Variants in SUGCT observed in about 807,000 individuals in gnomAD.
The protein encoded by SUGCT is succinyl-CoA:glutarate CoA-transferase.
Under a neutral mutation model 55.0 loss-of-function variants are expected in SUGCT, and 41 were observed. The observed-to-expected ratio is 0.74, with a 90% CI of 0.58 to 0.97. The LOEUF is 0.97. Among genes scored for constraint, SUGCT ranks in the 50% least tolerant of loss-of-function variants. SUGCT has a pLI of 0.00. For synonymous variants in SUGCT, 187 were observed against 200.4 expected (o/e 0.93, Z 0.56); for missense variants, 568 against 547.8 (o/e 1.04, Z -0.37).
intron 12 of SUGCT, among the ~76,000 whole-genome samples, chr7:40,744,360 C>A (rs538178714): frequency 6.6e-6 from 1 of 152,278 alleles, no homozygotes; most frequent in South Asian, 2.1e-4. Flanking sequence ...TGGCTACCTG[C>A]AATGGTGCAG....
At chr7:40,846,392 T>A (rs1264829904) in intron 13 of SUGCT, among the ~76,000 whole-genome samples, 2 of 148,044 alleles carry the variant, frequency 1.4e-5, no homozygotes, top group Non-Finnish European at 3.0e-5. Flanking sequence ...AAAAAAACAG[T>A]CAGGAGAGAG....
At chr7:40,737,805 TC>T (rs1787247844) in intron 12 of SUGCT, among the ~76,000 whole-genome samples, 1 of 152,100 alleles carries the variant, frequency 6.6e-6, no homozygotes, top group South Asian at 2.1e-4. Flanking sequence ...GCGCCTGTAA[TC>T]CCAGCTACTT....
intron 12 of SUGCT, among the ~76,000 whole-genome samples, chr7:40,520,406 G>T (rs73308254): frequency 0.092 from 14,001 of 152,064 alleles, 696 homozygotes; most frequent in Middle Eastern, 0.11. Context: ...AAGTCTGCCC[G>T]TGAAGCTTAG....
At chr7:40,164,125 C>A (rs7787952) in intron 1 of SUGCT, among the ~76,000 whole-genome samples, 20,947 of 146,234 alleles carry the variant, frequency 0.14, 4,694 homozygotes, top group African/African-American at 0.48. Context: ...TGACCCTTGA[C>A]TTTTTTTTTT....
chr7:40,240,350 T>C lies in SUGCT; in HGVS notation c.576+2624T>C, dbSNP rs898314180. ...AATACAAAATTAGCCAGATGTGGTG[T>C]TGCATTCCTGTAATCCCAGCTACTC... is the stretch of plus-strand genomic sequence containing the variant. On this transcript the variant is annotated intron_variant, in intron 7 of 13. Transcript: ENST00000335693. Among the ~76,000 whole-genome samples, 7 of 152,150 alleles carry C rather than the reference T, an allele frequency of 4.6e-5. No individual in the cohort carries two copies. The East Asian group carries it at 1.4e-3, about 29-fold the overall frequency.
chr7:40,770,030 G>A (rs1452850358), intron 13 of SUGCT, among the ~76,000 whole-genome samples: 1 of 151,938 alleles, frequency 6.6e-6, no homozygotes, highest in Non-Finnish European at 1.5e-5. Context: ...TAATTAAATC[G>A]AATTTTCTTT....
At chr7:40,802,377 T>G (rs1790871844) in intron 13 of SUGCT, among the ~76,000 whole-genome samples, 1 of 152,012 alleles carries the variant, frequency 6.6e-6, no homozygotes, top group Non-Finnish European at 1.5e-5. Flanking sequence ...CTTGCTGACT[T>G]TACAATGTGA....
At chr7:40,145,171 A>AT (rs1302914146) in intron 1 of SUGCT, among the ~76,000 whole-genome samples, 1 of 152,164 alleles carries the variant, frequency 6.6e-6, no homozygotes, top group Non-Finnish European at 1.5e-5. Flanking sequence ...AAAACAAAAA[A>AT]TTTTTTTAAC....
rs192985711 is a variant in SUGCT, at chr7:40,733,596, C to T, written c.1090-15838C>T. Among the ~76,000 whole-genome samples, 11 of 152,236 alleles carry T rather than the reference C, an allele frequency of 7.2e-5. No homozygotes were observed. The East Asian group carries it at 2.1e-3, about 29-fold the overall frequency. On this transcript the variant is annotated intron_variant, in intron 12 of 13. Coordinates refer to ENST00000335693, the MANE Select transcript of SUGCT (RefSeq NM_001193313.2). ...TCATAATGGTTCTGGCCTTTTTGAG[C>T]CTGAGCAAATTTTTGGCATAATGAA...
At chr7:40,309,027 C>G (rs1004478710) in intron 8 of SUGCT, among the ~76,000 whole-genome samples, 9 of 152,128 alleles carry the variant, frequency 5.9e-5, no homozygotes, top group African/African-American at 2.2e-4. Flanking sequence ...AAAATTTCTC[C>G]TAGATTTTCA....
chr7:40,827,116 C>G (rs976037689), intron 13 of SUGCT, among the ~76,000 whole-genome samples: 1 of 152,092 alleles, frequency 6.6e-6, no homozygotes, highest in African/African-American at 2.4e-5. Flanking sequence ...GGAAGAAGCT[C>G]AGTGTACTTA....
intron 1 of SUGCT, among the ~76,000 whole-genome samples, chr7:40,164,316 G>C (rs1052223009): frequency 1.3e-5 from 2 of 152,102 alleles, no homozygotes; most frequent in Non-Finnish European, 2.9e-5. Flanking sequence ...TTTTAGTAGA[G>C]ATGAGGTTTC....
intron 13 of SUGCT, among the ~76,000 whole-genome samples, chr7:40,772,547 T>TATCTATC (rs1789193963): frequency 6.7e-6 from 1 of 148,890 alleles, no homozygotes; most frequent in Non-Finnish European, 1.5e-5. Flanking sequence ...TCTATCTATC[T>TATCTATC]ATCTATCTAT....
At chr7:40,673,004 G>A (rs1457056101) in intron 12 of SUGCT, among the ~76,000 whole-genome samples, 1 of 152,066 alleles carries the variant, frequency 6.6e-6, no homozygotes, top group Non-Finnish European at 1.5e-5. Flanking sequence ...CCTGCAATAT[G>A]CCACTGTAAA....
chr7:40,201,256 G>A (rs537892500), intron 6 of SUGCT, among the ~76,000 whole-genome samples: 2 of 152,048 alleles, frequency 1.3e-5, no homozygotes, highest in African/African-American at 2.4e-5. Context: ...AATAAGAGAG[G>A]CAGAGTGGAG....
intron 9 of SUGCT, among the ~76,000 whole-genome samples, chr7:40,391,211 G>T (rs775182093): frequency 1.3e-5 from 2 of 152,160 alleles, no homozygotes; most frequent in Non-Finnish European, 2.9e-5. Flanking sequence ...TACCATTCAG[G>T]ACATAGGCAA....
At chr7:40,380,305 A>C (rs748765109) in intron 9 of SUGCT, among the ~76,000 whole-genome samples, 3 of 152,158 alleles carry the variant, frequency 2.0e-5, no homozygotes, top group Non-Finnish European at 4.4e-5. Context: ...ACCATGATTC[A>C]ACTGTTTTTT....
the SUGCT span, among the ~76,000 whole-genome samples, chr7:40,992,710 G>A: frequency 6.6e-6 from 1 of 152,170 alleles, no homozygotes; most frequent in Non-Finnish European, 1.5e-5. Flanking sequence ...TTTGGAGTGA[G>A]CCAAGCCTAG....
Position 40,317,497 on chromosome 7 carries a change from A to T in SUGCT, c.816+642A>T, listed in dbSNP as rs562727994. Among the ~76,000 whole-genome samples the T allele has an allele frequency of 1.3e-4, 20 of 152,348 alleles. No individual in the cohort carries two copies. In the South Asian group the frequency reaches 4.1e-3, roughly 32 times the overall value. ...TGCACTGTATGTTGTTGTATTTATT[A>T]ATGTATCTGCATATCTCCTGTACTC... On this transcript the variant is annotated intron_variant, in intron 9 of 13. Coordinates refer to ENST00000335693, the MANE Select transcript of SUGCT (RefSeq NM_001193313.2).
Sources: gnomAD v4.1 joint callset for allele counts (sites outside exome capture counted in the v4.1 genomes callset) on GRCh38, gnomAD v4.1.1 for gene constraint, MANE v1.5 for transcripts, NCBI Gene and HGNC (gene_info 2026-07-23, HGNC 2026-07-21) for gene names.